LGR6: variants seen among roughly 807,000 people sequenced by gnomAD.
The protein encoded by LGR6 is leucine-rich repeat-containing G protein-coupled receptor 6.
Under a neutral mutation model 69.4 loss-of-function variants are expected in LGR6, and 45 were observed. The observed-to-expected ratio is 0.65, with a 90% CI of 0.51 to 0.83. The LOEUF (loss-of-function observed/expected upper bound fraction) is 0.83. LGR6 is among the 40% of genes least tolerant of loss of function. The probability of loss-of-function intolerance (pLI) is 0.00; values close to 1 mark genes in which losing one functional copy is unlikely to be tolerated. For synonymous variants in LGR6, 538 were observed against 555.0 expected (o/e 0.97, Z 0.43); for missense variants, 1,108 against 1,246.7 (o/e 0.89, Z 1.68).
intron 4 of LGR6, among the ~76,000 whole-genome samples, chr1:202,273,449 CTGTTTTTTTT>C (rs1665272152): frequency 6.6e-6 from 1 of 151,454 alleles, no homozygotes; most frequent in South Asian, 2.1e-4. Flanking sequence ...TCAATGTGAC[CTGTTTTTTTT>C]TGTTTTTTTT....
At chr1:202,291,052 G>A (rs1279527378) in intron 6 of LGR6, among the ~76,000 whole-genome samples, 1 of 152,158 alleles carries the variant, frequency 6.6e-6, no homozygotes, top group African/African-American at 2.4e-5. Flanking sequence ...ACAGCTTAGG[G>A]CTGGGGTTGC....
intron 4 of LGR6, among the ~76,000 whole-genome samples, chr1:202,274,531 A>G (rs1206144522): frequency 6.6e-6 from 1 of 152,234 alleles, no homozygotes; most frequent in African/African-American, 2.4e-5. Context: ...TTGGAGCATC[A>G]GATCTGGAAA....
chr1:202,228,118 C>A, intron 3 of LGR6, 111 bp downstream of exon 3: 1 of 647,824 alleles, frequency 1.5e-6, no homozygotes, highest in Non-Finnish European at 2.7e-6. Context: ...TTATTATTTC[C>A]TTATCTTCAC....
At chr1:202,298,959 C>A (rs1192838967) in intron 7 of LGR6, among the ~76,000 whole-genome samples, 1 of 151,756 alleles carries the variant, frequency 6.6e-6, no homozygotes, top group Non-Finnish European at 1.5e-5. Flanking sequence ...ACAACTGGAC[C>A]ACCTAGAGGA....
intron 7 of LGR6, among the ~76,000 whole-genome samples, chr1:202,299,207 C>T (rs966710428): frequency 7.0e-5 from 10 of 143,552 alleles, no homozygotes; most frequent in Non-Finnish European, 1.0e-4. Flanking sequence ...TTGCAATGAG[C>T]GGAGATTGTA....
intron 4 of LGR6, among the ~76,000 whole-genome samples, chr1:202,272,236 G>A (rs1312703574): frequency 6.6e-6 from 1 of 152,050 alleles, no homozygotes; most frequent in African/African-American, 2.4e-5. Context: ...AATTTAAATG[G>A]GTAGCATGTT....
Position 202,196,659 on chromosome 1 carries a change from T to C in LGR6, c.212+2458T>C, listed in dbSNP as rs570756869. 6.9e-4 allele frequency among the ~76,000 whole-genome samples: 105 copies of C among 152,314 alleles called. No homozygotes were observed. The Middle Eastern group carries it at 0.017, about 25-fold the overall frequency. On this transcript the variant is annotated intron_variant, in intron 1 of 17. Coordinates refer to ENST00000367278, the MANE Select transcript of LGR6 (RefSeq NM_001017403.2). Reference sequence around the variant, plus strand: ...GGATTAAATGAGATAATATGTTCAATGAAAGTCCCCAGAGTGCCTGACACC... The same window carrying C: ...GGATTAAATGAGATAATATGTTCAACGAAAGTCCCCAGAGTGCCTGACACC...
At chr1:202,295,576 T>C (rs995899537) in intron 6 of LGR6, among the ~76,000 whole-genome samples, 6 of 152,238 alleles carry the variant, frequency 3.9e-5, no homozygotes, top group African/African-American at 1.4e-4. Context: ...AGGCATTTTC[T>C]GTAGCCCCTG....
chr1:202,232,925 A>G (rs1661211234), intron 3 of LGR6, among the ~76,000 whole-genome samples: 1 of 152,188 alleles, frequency 6.6e-6, no homozygotes, highest in Admixed American at 6.5e-5. Flanking sequence ...GTTTCCTTCC[A>G]ACCTTTATAA....
At chr1:202,201,104 A>G (rs1658821137) in intron 1 of LGR6, among the ~76,000 whole-genome samples, 1 of 152,222 alleles carries the variant, frequency 6.6e-6, no homozygotes, top group African/African-American at 2.4e-5. Context: ...CTCTCTGATT[A>G]ACTGTGAGAT....
intron 4 of LGR6, 99 bp downstream of exon 4, chr1:202,236,092 G>A (rs182377569): frequency 4.6e-4 from 434 of 948,416 alleles, no homozygotes; most frequent in African/African-American, 1.8e-3. Context: ...CTCTGCAGGC[G>A]CCCCCTCTCC....
intron 4 of LGR6, among the ~76,000 whole-genome samples, chr1:202,237,835 G>T (rs760812637): frequency 4.6e-5 from 7 of 152,146 alleles, no homozygotes; most frequent in Non-Finnish European, 8.8e-5. Flanking sequence ...AGAAAATGTG[G>T]CTTCAAGTCC....
intron 4 of LGR6, among the ~76,000 whole-genome samples, chr1:202,265,376 G>A (rs1182633393): frequency 6.6e-6 from 1 of 152,238 alleles, no homozygotes; most frequent in Non-Finnish European, 1.5e-5. Flanking sequence ...ATGGGTTCCA[G>A]ATGGGGAGAG....
At chr1:202,307,277 G>A (rs371295794) in intron 13 of LGR6, 53 bp from the exon 14 acceptor site, 37 of 1,540,636 alleles carry the variant, frequency 2.4e-5, no homozygotes, top group South Asian at 1.1e-5. Flanking sequence ...GATGGGAACA[G>A]TGAGTCCTCC....
Position 202,244,332 on chromosome 1 carries a change from A to G in LGR6, c.428+8339A>G, listed in dbSNP as rs1368313171. Among the ~76,000 whole-genome samples, 5 of 152,226 alleles carry G rather than the reference A, an allele frequency of 3.3e-5. No individual in the cohort carries two copies. The East Asian group carries it at 9.6e-4, about 29-fold the overall frequency. ...AAATTAAGGACCACTGTTACAGAAGAAAAGGATGTGGTATCGGTATGCTAG... is the reference window on the plus strand; with the variant it reads ...AAATTAAGGACCACTGTTACAGAAGGAAAGGATGTGGTATCGGTATGCTAG... On this transcript the variant is annotated intron_variant, in intron 4 of 17. Transcript: ENST00000367278.
intron 6 of LGR6, among the ~76,000 whole-genome samples, chr1:202,282,273 A>G (rs927035165): frequency 5.3e-5 from 8 of 152,160 alleles, no homozygotes; most frequent in African/African-American, 1.7e-4. Context: ...AGTCTAGCCC[A>G]CTCAATCAAC....
chr1:202,301,574 G>A (rs1667597198), intron 9 of LGR6, among the ~76,000 whole-genome samples: 1 of 152,214 alleles, frequency 6.6e-6, no homozygotes, highest in Admixed American at 6.5e-5. Flanking sequence ...TTTGAATATG[G>A]TGGGTTCTCA....
intron 5 of LGR6, among the ~76,000 whole-genome samples, chr1:202,279,780 G>A (rs981940974): frequency 3.9e-5 from 6 of 152,116 alleles, no homozygotes; most frequent in Non-Finnish European, 7.4e-5. Flanking sequence ...ATTATCTCAG[G>A]TTTTCTCTCC....
chr1:202,313,919 G>GT (rs1441852808), intron 16 of LGR6, among the ~76,000 whole-genome samples: 1 of 152,136 alleles, frequency 6.6e-6, no homozygotes, highest in Non-Finnish European at 1.5e-5. Context: ...ATGACAATTT[G>GT]TTTCCTTATT....
Sources: gnomAD v4.1 joint callset for allele counts (sites outside exome capture counted in the v4.1 genomes callset) on GRCh38, gnomAD v4.1.1 for gene constraint, MANE v1.5 for transcripts, NCBI Gene and HGNC (gene_info 2026-07-23, HGNC 2026-07-21) for gene names.